OR8D4: variants seen among roughly 807,000 people sequenced by gnomAD.
OR8D4 encodes the protein olfactory receptor 8D4.
For synonymous variants in OR8D4, 141 were observed against 134.8 expected (o/e 1.05, Z -0.32); for missense variants, 359 against 372.6 (o/e 0.96, Z 0.30).
Position 123,907,556 on chromosome 11 carries a change from C to A in OR8D4, c.*180C>A. On this transcript the variant is annotated 3_prime_UTR_variant, in exon 2 of 2. Coordinates refer to ENST00000641687, the MANE Select transcript of OR8D4 (RefSeq NM_001005197.2). Reference sequence around the variant, plus strand: ...GGTCCGGTGTTCAAGACCAGCCTGGCCAAGATGATGAAACCCCATCACTAT... The same window carrying A: ...GGTCCGGTGTTCAAGACCAGCCTGGACAAGATGATGAAACCCCATCACTAT... 2.9e-6 allele frequency: 1 copy of A among 346,284 alleles called. No homozygotes were observed. 21.5% of individuals were successfully genotyped at this position (346,284 alleles called of 1,614,324 possible).
Position 123,906,826 on chromosome 11 carries a change from A to G in OR8D4, c.395A>G (p.Tyr132Cys), listed in dbSNP as rs1164234743. 1 of 1,613,944 alleles carries G rather than the reference A, an allele frequency of 6.2e-7. No homozygotes were observed. The highest frequency in any genetic ancestry group is 8.5e-7 in the Non-Finnish European group (1 of 1,179,930). The part of the protein sequence containing the change: ...RYVAICSPLL[Y>C]RVIMSPRVCS... ...GTGGCCATCTGCAGCCCACTGCTCTACAGGGTCATCATGTCCCCTAGGGTC... is the reference window on the plus strand; with the variant it reads ...GTGGCCATCTGCAGCCCACTGCTCTGCAGGGTCATCATGTCCCCTAGGGTC... The change falls in exon 2 of 2, where the codon TAC (tyrosine) becomes TGC (cysteine). Residue 132 changes from tyrosine to cysteine, a missense_variant. Tyr to Cys is a radical substitution (Grantham distance 194). Transcript: ENST00000641687.
intron 1 of OR8D4, 31 bp downstream of exon 1, chr11:123,902,288 T>C (rs1863166904): frequency 6.6e-6 from 1 of 152,148 alleles, no homozygotes; most frequent in African/African-American, 2.4e-5. Context: ...GTTCATATTA[T>C]AAGTATATTA....
Position 123,908,502 on chromosome 11 carries a change from T to G in OR8D4, c.*1126T>G, listed in dbSNP as rs1172258000. On this transcript the variant is annotated 3_prime_UTR_variant, in exon 2 of 2. Coordinates refer to ENST00000641687, the MANE Select transcript of OR8D4 (RefSeq NM_001005197.2). The stretch of plus-strand genomic sequence containing the variant: ...TTAGCTAATTCATTTGTTCAGCATA[T>G]GCTTATCATGGACACCATGTGCCAG... 1.3e-5 allele frequency: 2 copies of G among 152,206 alleles called. No individual in the cohort carries two copies. Among genetic ancestry groups the G allele is most frequent in the African/African-American group, 4.8e-5 (2 of 41,456 alleles). The allele number at this position is 152,206 out of a possible 1,614,324, so 9.4% of individuals were successfully genotyped here.
rs1378722164 is a variant in OR8D4, at chr11:123,907,226, C to A, written c.795C>A (p.Ser265Arg). 10 of 1,613,724 alleles carry A rather than the reference C, an allele frequency of 6.2e-6. No homozygotes were observed. The highest frequency in any genetic ancestry group is 8.5e-6 in the Non-Finnish European group (10 of 1,179,698). ...LMSMYLKPASSSSLTQEKVSS... is the reference protein window; with the variant it reads ...LMSMYLKPASRSSLTQEKVSS... ...CCATGTATCTCAAACCTGCTTCTAG[C>A]AGTTCACTCACCCAGGAGAAAGTAT... The change falls in exon 2 of 2, where the codon AGC becomes AGA. Residue 265 changes from serine (S) to arginine (R), a missense_variant. Ser to Arg is a moderately radical substitution (Grantham distance 110). Coordinates refer to ENST00000641687, the MANE Select transcript of OR8D4 (RefSeq NM_001005197.2).
chr11:123,906,440 A>G lies in OR8D4; in HGVS notation c.9A>G (p.Val3=). Residue 3 remains valine, a synonymous_variant, in exon 2 of 2, where the codon GTA becomes GTG. Coordinates refer to ENST00000641687, the MANE Select transcript of OR8D4 (RefSeq NM_001005197.2). The part of the protein sequence containing the change: MG[V]KNHSTVTEFL... ...AGATTTCTCAGAGAAGAATGGGTGT[A>G]AAAAACCATTCCACAGTGACTGAGT... 2 of 1,594,830 alleles carry G rather than the reference A, an allele frequency of 1.3e-6. No individual in the cohort carries two copies. The highest frequency in any genetic ancestry group is 1.7e-6 in the Non-Finnish European group (2 of 1,169,724).
chr11:123,904,686 AAT>A (rs2137491748), intron 1 of OR8D4, among the ~76,000 whole-genome samples: 1 of 152,264 alleles, frequency 6.6e-6, no homozygotes, highest in East Asian at 1.9e-4. Context: ...CTGCTCAGAG[AAT>A]AGCTGTTCAG....
At chr11:123,902,941 A>G (rs981827117) in intron 1 of OR8D4, among the ~76,000 whole-genome samples, 1 of 152,152 alleles carries the variant, frequency 6.6e-6, no homozygotes, top group Non-Finnish European at 1.5e-5. Context: ...TATGAATTAT[A>G]TGTTGAAATG....
chr11:123,906,873 G>C lies in OR8D4; in HGVS notation c.442G>C (p.Val148Leu). Residue 148 changes from valine (V) to leucine (L), a missense_variant, in exon 2 of 2, where the codon GTC (valine) becomes CTC (leucine). Physicochemically the swap from Val to Leu is conservative, Grantham distance 32. Coordinates refer to ENST00000641687, the MANE Select transcript of OR8D4 (RefSeq NM_001005197.2). ...PRVCSLLVAA[V>L]FSVGFTDAVI... ...GGTCTGTTCTCTGCTGGTGGCTGCT[G>C]TCTTCTCAGTAGGTTTCACTGATGC... is the stretch of plus-strand genomic sequence containing the variant. The C allele has an allele frequency of 6.2e-7, 1 of 1,614,056 alleles. No individual in the cohort carries two copies. The highest frequency in any genetic ancestry group is 8.5e-7 in the Non-Finnish European group (1 of 1,179,966).
intron 1 of OR8D4, chr11:123,906,119 C>T: frequency 3.9e-6 from 1 of 258,862 alleles, no homozygotes; most frequent in Non-Finnish European, 7.2e-6. Flanking sequence ...CAGTGGCTGG[C>T]ATTTCTCCAC....
At chr11:123,902,635 T>C (rs2137490284) in intron 1 of OR8D4, among the ~76,000 whole-genome samples, 1 of 152,300 alleles carries the variant, frequency 6.6e-6, no homozygotes, top group South Asian at 2.1e-4. Flanking sequence ...AGAGACTTTA[T>C]GAGTCAAAGG....
rs757367415 is a variant in OR8D4 at position 123,906,442 on chromosome 11, A to G, written c.11A>G (p.Lys4Arg). 6.3e-7 allele frequency: 1 copy of G among 1,596,968 alleles called. No individual in the cohort carries two copies. The highest frequency in any genetic ancestry group is 1.1e-5 in the South Asian group (1 of 88,660). Reference protein sequence around the residue: MGVKNHSTVTEFLL... With the variant: MGVRNHSTVTEFLL... The stretch of plus-strand genomic sequence containing the variant: ...ATTTCTCAGAGAAGAATGGGTGTAA[A>G]AAACCATTCCACAGTGACTGAGTTT... Residue 4 changes from lysine to arginine, a missense_variant, in exon 2 of 2, where the codon AAA becomes AGA. By Grantham distance (26) the Lys-to-Arg change is conservative (BLOSUM62 2). Coordinates refer to ENST00000641687, the MANE Select transcript of OR8D4 (RefSeq NM_001005197.2).
intron 1 of OR8D4, among the ~76,000 whole-genome samples, chr11:123,904,018 T>C (rs10790605): frequency 0.82 from 124,889 of 152,066 alleles, 51,500 homozygotes; most frequent in African/African-American, 0.88. Context: ...AGAAAATAAC[T>C]GAAAATAGCG....
Position 123,907,439 on chromosome 11 carries a change from C to A in OR8D4, c.*63C>A, listed in dbSNP as rs990976604. On this transcript the variant is annotated 3_prime_UTR_variant, in exon 2 of 2. Coordinates refer to ENST00000641687, the MANE Select transcript of OR8D4 (RefSeq NM_001005197.2). Reference sequence around the variant, plus strand: ...TCATGATTATATGTATATATTTATACCTTGACTATTTAAAAGTAATTTGAG... The same window carrying A: ...TCATGATTATATGTATATATTTATAACTTGACTATTTAAAAGTAATTTGAG... 1.4e-6 allele frequency: 1 copy of A among 732,398 alleles called. No individual in the cohort carries two copies. Among genetic ancestry groups the A allele is most frequent in the East Asian group, 2.8e-5 (1 of 35,454 alleles). 45.4% of individuals were successfully genotyped at this position (732,398 alleles called of 1,614,324 possible).
chr11:123,905,282 A>G (rs974700682), intron 1 of OR8D4, among the ~76,000 whole-genome samples: 2 of 152,174 alleles, frequency 1.3e-5, no homozygotes, highest in Admixed American at 1.3e-4. Flanking sequence ...AATAGAACAA[A>G]CACACAAATG....
Position 123,907,010 on chromosome 11 carries a change from T to A in OR8D4, c.579T>A (p.Tyr193Ter). The change falls in exon 2 of 2, where the codon TAT becomes TAA. Residue 193 changes from tyrosine to a stop codon, truncating the protein, a stop_gained. Coordinates refer to ENST00000641687, the MANE Select transcript of OR8D4 (RefSeq NM_001005197.2). LOFTEE classifies it low-confidence loss of function (END_TRUNC). ...TTAAACTCTCCTGCTCCAGCACTTA[T>A]ATTGATGAGCTTTTGATTTTTGTCA... ...PLIKLSCSST[Y>*]IDELLIFVIG... is the part of the protein sequence containing the mutation. 1 of 1,614,018 alleles carries A rather than the reference T, an allele frequency of 6.2e-7. No homozygotes were observed. Among genetic ancestry groups the A allele is most frequent in the Middle Eastern group, 1.7e-4 (1 of 6,056 alleles).
In OR8D4 at chr11:123,906,980, T is replaced by C. The variant is rs2137493828; in HGVS notation, c.549T>C (p.Pro183=). Residue 183 remains proline (P), a synonymous_variant, in exon 2 of 2, where the codon CCT becomes CCC. Coordinates refer to ENST00000641687, the MANE Select transcript of OR8D4 (RefSeq NM_001005197.2). The part of the protein sequence containing the change: ...IIKHYFCDIV[P]LIKLSCSSTY... ...AACATTATTTCTGTGACATTGTCCC[T>C]CTTATTAAACTCTCCTGCTCCAGCA... 1 of 1,614,128 alleles carries C rather than the reference T, an allele frequency of 6.2e-7. No individual in the cohort carries two copies. Among genetic ancestry groups the C allele is most frequent in the Admixed American group, 1.7e-5 (1 of 60,022 alleles).
rs61745074 is a variant in OR8D4 at position 123,906,804 on chromosome 11, G to T, written c.373G>T (p.Ala125Ser). 2.8e-3 allele frequency: 4,536 copies of T among 1,613,902 alleles called. 123 individuals are homozygous for T. The African/African-American group carries it at 0.053, about 19-fold the overall frequency. ...AGCCATGGCCTGCGATCGCTACGTG[G>T]CCATCTGCAGCCCACTGCTCTACAG... ...LAAMACDRYV[A>S]ICSPLLYRVI... is the part of the protein sequence containing the mutation. The change falls in exon 2 of 2, where the codon GCC becomes TCC. Residue 125 changes from alanine (A) to serine (S), a missense_variant. Coordinates refer to ENST00000641687, the MANE Select transcript of OR8D4 (RefSeq NM_001005197.2).
chr11:123,904,528 G>A (rs1400836337), intron 1 of OR8D4, among the ~76,000 whole-genome samples: 1 of 152,162 alleles, frequency 6.6e-6, no homozygotes, highest in Non-Finnish European at 1.5e-5. Context: ...TAACTGGTAA[G>A]GAGTAATGGG....
chr11:123,908,328 T>C lies in OR8D4; in HGVS notation c.*952T>C, dbSNP rs1472953807. On this transcript the variant is annotated 3_prime_UTR_variant, in exon 2 of 2. Coordinates refer to ENST00000641687, the MANE Select transcript of OR8D4 (RefSeq NM_001005197.2). ...TTTGTAACTTTCTGTTTGTTTCTTT[T>C]GAGTTGGTATTTTCTTTGTAAGCTG... 6.6e-6 allele frequency: 1 copy of C among 152,200 alleles called. No homozygotes were observed. The highest frequency in any genetic ancestry group is 1.9e-4 in the East Asian group (1 of 5,200). The allele number at this position is 152,200 out of a possible 1,614,324, so 9.4% of individuals were successfully genotyped here. A position where few individuals can be genotyped will look rare whatever the true frequency, so the allele number is the denominator to read the frequency against.
Sources: allele counts gnomAD v4.1 joint callset (sites outside exome capture counted in the v4.1 genomes callset), GRCh38; gene constraint gnomAD v4.1.1; transcripts MANE v1.5; gene names NCBI Gene and HGNC (gene_info 2026-07-23, HGNC 2026-07-21).